NRG3: variants seen among roughly 807,000 people sequenced by gnomAD.
NRG3 encodes the protein pro-neuregulin-3, membrane-bound isoform.
A neutral mutation model predicts 66.9 loss-of-function variants in NRG3; 31 were observed. The observed-to-expected ratio is 0.46, with a 90% CI of 0.35 to 0.63. The LOEUF is 0.63. NRG3 is among the 20% of genes least tolerant of loss of function. NRG3 has a pLI of 0.00. For synonymous variants in NRG3, 393 were observed against 359.4 expected (o/e 1.09, Z -1.06); for missense variants, 910 against 878.9 (o/e 1.04, Z -0.45).
chr10:82,822,930 A>G, intron 3 of NRG3, among the ~76,000 whole-genome samples: 1 of 152,144 alleles, frequency 6.6e-6, no homozygotes, highest in East Asian at 1.9e-4. Flanking sequence ...CAGTACTCTC[A>G]AGTATATAGC....
At chr10:82,325,616 CT>C (rs111541064) in intron 1 of NRG3, among the ~76,000 whole-genome samples, 9 of 150,404 alleles carry the variant, frequency 6.0e-5, no homozygotes, top group East Asian at 2.0e-4. Context: ...ATAACGTTTC[CT>C]TTTTTTTTGC....
intron 1 of NRG3, among the ~76,000 whole-genome samples, chr10:82,326,942 A>G (rs977168924): frequency 6.6e-6 from 1 of 152,226 alleles, no homozygotes; most frequent in African/African-American, 2.4e-5. Context: ...AAGGTGATCC[A>G]GAAAGACAGC....
chr10:82,923,460 C>T lies in NRG3; in HGVS notation c.1055-28009C>T, dbSNP rs572547058. 9.5e-4 allele frequency among the ~76,000 whole-genome samples: 144 copies of T among 152,324 alleles called. 2 individuals are homozygous for T. Among genetic ancestry groups the T allele is most frequent in the Middle Eastern group, 6.8e-3 (2 of 294 alleles). ...CTCAGTACATTGTCTCCACCCTCTA[C>T]TAGCTTGGAAAAATCTGCGAGAGCA... On this transcript the variant is annotated intron_variant, in intron 4 of 8. Transcript: ENST00000372141.
intron 1 of NRG3, among the ~76,000 whole-genome samples, chr10:82,338,541 T>A (rs550428069): frequency 1.3e-5 from 2 of 152,224 alleles, no homozygotes; most frequent in African/African-American, 4.8e-5. Flanking sequence ...ACCCCAGGAA[T>A]CAATACAGTA....
At chr10:82,726,158 G>T (rs1364304982) in intron 2 of NRG3, among the ~76,000 whole-genome samples, 1 of 152,058 alleles carries the variant, frequency 6.6e-6, no homozygotes, top group African/African-American at 2.4e-5. Flanking sequence ...CCAGAAATTT[G>T]GGAAAATAAA....
At chr10:82,499,031 A>G (rs1338327669) in intron 2 of NRG3, among the ~76,000 whole-genome samples, 2 of 152,152 alleles carry the variant, frequency 1.3e-5, no homozygotes, top group Admixed American at 1.3e-4. Context: ...AGTAGCAGGA[A>G]CCAAAGCCCA....
intron 2 of NRG3, among the ~76,000 whole-genome samples, chr10:82,455,799 T>G (rs1477454038): frequency 6.6e-6 from 1 of 151,974 alleles, no homozygotes; most frequent in East Asian, 1.9e-4. Flanking sequence ...TTTGTATTTT[T>G]AGTAGAGATG....
intron 3 of NRG3, among the ~76,000 whole-genome samples, chr10:82,842,773 T>C (rs1227332258): frequency 1.3e-5 from 2 of 152,152 alleles, no homozygotes; most frequent in Non-Finnish European, 2.9e-5. Context: ...ATACCAGAGT[T>C]GTAGTGGTGG....
chr10:82,431,915 C>T (rs970002364), intron 2 of NRG3, among the ~76,000 whole-genome samples: 8 of 152,188 alleles, frequency 5.3e-5, no homozygotes, highest in Non-Finnish European at 1.0e-4. Context: ...AATTTACTTA[C>T]ATATATTGAT....
chr10:82,024,142 G>A (rs571384187), intron 1 of NRG3, among the ~76,000 whole-genome samples: 1 of 151,812 alleles, frequency 6.6e-6, no homozygotes, highest in East Asian at 1.9e-4. Context: ...TTGGCTTATG[G>A]TTGTTCAGAA....
chr10:81,990,063 A>G (rs1420998718), intron 1 of NRG3, among the ~76,000 whole-genome samples: 1 of 152,170 alleles, frequency 6.6e-6, no homozygotes. Context: ...ATATGCAAAG[A>G]GGAATGTTTG....
intron 1 of NRG3, among the ~76,000 whole-genome samples, chr10:81,961,949 C>A (rs1227437852): frequency 6.6e-6 from 1 of 152,186 alleles, no homozygotes; most frequent in African/African-American, 2.4e-5. Context: ...GTGGCTCTAC[C>A]AAGTGGAGTC....
chr10:82,618,948 T>C (rs2048852102), intron 2 of NRG3, among the ~76,000 whole-genome samples: 1 of 151,950 alleles, frequency 6.6e-6, no homozygotes, highest in Non-Finnish European at 1.5e-5. Context: ...TTTTATTTAA[T>C]TTTATTTTGC....
chr10:82,037,100 A>C (rs1182499822), intron 1 of NRG3, among the ~76,000 whole-genome samples: 1 of 152,160 alleles, frequency 6.6e-6, no homozygotes, highest in African/African-American at 2.4e-5. Context: ...CAGGCAGGGT[A>C]TATTTTAAGT....
At chr10:82,377,403 AAG>A (rs903602321) in intron 2 of NRG3, among the ~76,000 whole-genome samples, 128 of 150,516 alleles carry the variant, frequency 8.5e-4, no homozygotes, top group South Asian at 1.5e-3. Flanking sequence ...ATCTGAGAGA[AAG>A]AGAGAGAGAG....
intron 1 of NRG3, among the ~76,000 whole-genome samples, chr10:82,326,431 T>G (rs1487797361): frequency 1.3e-5 from 2 of 152,094 alleles, no homozygotes; most frequent in Non-Finnish European, 2.9e-5. Flanking sequence ...GCTTCTCAAC[T>G]CTATGGGTTT....
chr10:81,989,128 C>G (rs2060638640), intron 1 of NRG3, among the ~76,000 whole-genome samples: 1 of 152,160 alleles, frequency 6.6e-6, no homozygotes, highest in Non-Finnish European at 1.5e-5. Context: ...TAATCAAAGA[C>G]AACCCTTATT....
At chr10:81,898,086 C>G (rs1046964363) in intron 1 of NRG3, among the ~76,000 whole-genome samples, 1 of 152,136 alleles carries the variant, frequency 6.6e-6, no homozygotes. Flanking sequence ...TTGTGGGCAG[C>G]TGGATTAGAA....
Position 82,949,101 on chromosome 10 carries a change from G to A in NRG3, c.1055-2368G>A, listed in dbSNP as rs1234243675. On this transcript the variant is annotated intron_variant, in intron 4 of 8. Coordinates refer to ENST00000372141, the MANE Select transcript of NRG3 (RefSeq NM_001010848.4). The stretch of plus-strand genomic sequence containing the variant: ...GGTTTTGAGAGTTTTAATCAAGAAT[G>A]AATATTAAGTTTGGCTATGTTTTTG... 4.6e-5 allele frequency among the ~76,000 whole-genome samples: 7 copies of A among 152,008 alleles called. No individual in the cohort carries two copies. In the East Asian group the frequency reaches 1.3e-3, roughly 29 times the overall value.
Sources: gnomAD v4.1 joint callset for allele counts (sites outside exome capture counted in the v4.1 genomes callset) on GRCh38, gnomAD v4.1.1 for gene constraint, MANE v1.5 for transcripts, NCBI Gene and HGNC (gene_info 2026-07-23, HGNC 2026-07-21) for gene names.